The following GLRA2 variants were observed in gnomAD, a reference collection of about 807,000 sequenced individuals.
GLRA2 encodes glycine receptor subunit alpha-2.
A neutral mutation model predicts 31.6 loss-of-function variants in GLRA2; 11 were observed. That is an observed-to-expected ratio of 0.35 (90% CI 0.22 to 0.58). GLRA2 has a LOEUF of 0.58. GLRA2 is among the 20% of genes least tolerant of loss of function. The pLI is 0.84. For synonymous variants in GLRA2, 132 were observed against 134.0 expected, an observed-to-expected ratio of 0.99 and a Z score of 0.10; for missense variants, 212 against 351.8, an observed-to-expected ratio of 0.60 and a Z score of 3.18.
At chrX:14,633,444 A>T (rs2147121464) in intron 7 of GLRA2, among the ~76,000 whole-genome samples, 1 of 112,038 alleles carries the variant, frequency 8.9e-6, no homozygotes, top group Admixed American at 9.5e-5. Flanking sequence ...ATAGTAAGCT[A>T]TGCTTGCACC....
chrX:14,541,585 A>G (rs902624773), intron 2 of GLRA2, among the ~76,000 whole-genome samples: 1 of 111,613 alleles, frequency 9.0e-6, no homozygotes, highest in Non-Finnish European at 1.9e-5. Flanking sequence ...GACAGTCAAG[A>G]TTTCTTTTAT....
At chrX:14,706,158 T>C (rs1183529134) in intron 8 of GLRA2, among the ~76,000 whole-genome samples, 3 of 89,381 alleles carry the variant, frequency 3.4e-5, no homozygotes, top group African/African-American at 1.2e-4. Context: ...GAAGCCAAGT[T>C]TGAGAACCTT....
Position 14,604,326 on chromosome X carries a change from C to T in GLRA2, c.506C>T (p.Thr169Ile), listed in dbSNP as rs2090308814. The T allele has an allele frequency of 3.4e-6, 4 of 1,162,831 alleles. No homozygotes were observed. Among genetic ancestry groups the T allele is most frequent in the Non-Finnish European group, 4.7e-6 (4 of 853,959 alleles). ...TTTTGTTTGCTAAGACTCACCTTGACCTTATCCTGTCCCATGGACTTGAAG... is the reference window on the plus strand; with the variant it reads ...TTTTGTTTGCTAAGACTCACCTTGATCTTATCCTGTCCCATGGACTTGAAG... Reference protein sequence around the residue: ...KVLYSIRLTLTLSCPMDLKNF... With the variant: ...KVLYSIRLTLILSCPMDLKNF... Residue 169 changes from threonine (T) to isoleucine (I), a missense_variant, in exon 5 of 9, where the codon ACC becomes ATC. Physicochemically the swap from Thr to Ile is moderately conservative, Grantham distance 89. Around this residue, in one of 5 missense-constraint regions of GLRA2, gnomAD observed 110 missense variants for 232.6 expected, o/e 0.47. Transcript: ENST00000218075.
intron 8 of GLRA2, among the ~76,000 whole-genome samples, chrX:14,692,723 A>C (rs1363180543): frequency 5.4e-5 from 6 of 111,699 alleles, no homozygotes; most frequent in Non-Finnish European, 3.8e-5. Flanking sequence ...ACTCTCCTAG[A>C]CCAAAGATGG....
Position 14,548,167 on chromosome X carries a change from T to C in GLRA2, c.202+15795T>C, listed in dbSNP as rs756328474. 7.2e-5 allele frequency among the ~76,000 whole-genome samples: 8 copies of C among 111,762 alleles called. No individual in the cohort carries two copies. The East Asian group carries it at 2.3e-3, about 32-fold the overall frequency. On this transcript the variant is annotated intron_variant, in intron 2 of 8. Transcript: ENST00000218075. ...AACAGCCAGAATTTTATCATTCTTG[T>C]TATTTAGGGGAAGAAAAAGTTATCC...
rs1253004301 is a variant in GLRA2, at chrX:14,532,240, A to T, written c.70A>T (p.Thr24Ser). The change falls in exon 2 of 9, where the codon ACG becomes TCG. Residue 24 changes from threonine to serine, a missense_variant and splice_region_variant. Around this residue, in one of 5 missense-constraint regions of GLRA2, gnomAD observed 33 missense variants for 27.7 expected, o/e 1.19. Transcript: ENST00000218075. Reference protein sequence around the residue: ...AFFLETNHFRTAFCKDHDSRS... With the variant: ...AFFLETNHFRSAFCKDHDSRS... ...TAAAAGAGTTAATGATGTGTTTAGGACGGCTTTCTGCAAAGACCATGACTC... is the reference window on the plus strand; with the variant it reads ...TAAAAGAGTTAATGATGTGTTTAGGTCGGCTTTCTGCAAAGACCATGACTC... The T allele has an allele frequency of 3.4e-6, 4 of 1,172,849 alleles. No homozygotes were observed. In the Admixed American group the frequency reaches 7.0e-5, roughly 21 times the overall value.
the GLRA2 span, among the ~76,000 whole-genome samples, chrX:14,488,335 C>A: frequency 3.6e-5 from 4 of 112,224 alleles, no homozygotes; most frequent in Non-Finnish European, 1.9e-5. Flanking sequence ...CATTACCACA[C>A]CCAAGAGATA....
chrX:14,652,670 G>A (rs746675672), intron 7 of GLRA2, among the ~76,000 whole-genome samples: 1 of 110,863 alleles, frequency 9.0e-6, no homozygotes, highest in South Asian at 3.9e-4. Context: ...ATATAAGATG[G>A]TAACTTAATT....
At chrX:14,564,893 G>A (rs2089782685) in intron 2 of GLRA2, among the ~76,000 whole-genome samples, 1 of 110,891 alleles carries the variant, frequency 9.0e-6, no homozygotes, top group Non-Finnish European at 1.9e-5. Context: ...AAGAAAATAT[G>A]TGAAAAGTTA....
intron 2 of GLRA2, among the ~76,000 whole-genome samples, chrX:14,543,303 G>A (rs1203378922): frequency 2.0e-5 from 2 of 98,677 alleles, no homozygotes; most frequent in Non-Finnish European, 4.0e-5. Context: ...TTCTAACTTT[G>A]ATGGTCCCTG....
the GLRA2 span, among the ~76,000 whole-genome samples, chrX:14,483,686 A>AT: frequency 8.9e-6 from 1 of 112,003 alleles, no homozygotes; most frequent in Non-Finnish European, 1.9e-5. Flanking sequence ...GTCTTATTGC[A>AT]TTTTTAAAAA....
intron 7 of GLRA2, among the ~76,000 whole-genome samples, chrX:14,623,113 T>G (rs1372379602): frequency 9.0e-6 from 1 of 111,703 alleles, no homozygotes; most frequent in Non-Finnish European, 1.9e-5. Context: ...TTGAAGCAAT[T>G]GTGAATTGGA....
At chrX:14,605,118 A>T (rs980072816) in intron 5 of GLRA2, among the ~76,000 whole-genome samples, 1 of 111,686 alleles carries the variant, frequency 9.0e-6, no homozygotes, top group Non-Finnish European at 1.9e-5. Flanking sequence ...AGAGATATGA[A>T]TTTCTTTCTG....
At chrX:14,677,998 C>T (rs993656948) in intron 7 of GLRA2, among the ~76,000 whole-genome samples, 5 of 111,875 alleles carry the variant, frequency 4.5e-5, no homozygotes, top group African/African-American at 1.6e-4. Flanking sequence ...TAGAAGCATC[C>T]GTGACCTCAA....
chrX:14,695,159 C>CAA (rs372906912), intron 8 of GLRA2, among the ~76,000 whole-genome samples: 193 of 103,649 alleles, frequency 1.9e-3, no homozygotes, highest in Admixed American at 8.2e-3. Flanking sequence ...ATAACAGAAA[C>CAA]AAAAAAAAAA....
intron 7 of GLRA2, among the ~76,000 whole-genome samples, chrX:14,681,911 A>ATATATATATATATATATATATATATG (rs1491254876): frequency 3.5e-5 from 2 of 56,814 alleles, no homozygotes; most frequent in Non-Finnish European, 6.2e-5. Flanking sequence ...AAAAAAAAAA[A>ATATATATATATATATATATATATATG]TATATATATA....
intron 7 of GLRA2, among the ~76,000 whole-genome samples, chrX:14,682,715 G>A (rs1346675655): frequency 1.2e-4 from 6 of 51,830 alleles, no homozygotes; most frequent in Non-Finnish European, 1.8e-4. Context: ...CCCACCCCAC[G>A]ACAGGCCCCG....
chrX:14,463,712 T>G, the GLRA2 span, among the ~76,000 whole-genome samples: 1 of 110,209 alleles, frequency 9.1e-6, no homozygotes, highest in Non-Finnish European at 1.9e-5. Context: ...CTGCCAGTTG[T>G]GAAGACCATG....
chrX:14,697,889 G>A (rs1392000089), intron 8 of GLRA2, among the ~76,000 whole-genome samples: 3 of 111,713 alleles, frequency 2.7e-5, no homozygotes, highest in South Asian at 3.7e-4. Flanking sequence ...TTTTAACTAC[G>A]TTTTATTGTT....
Sources: gnomAD v4.1 joint callset for allele counts (sites outside exome capture counted in the v4.1 genomes callset) on GRCh38, gnomAD v4.1.1 for gene constraint, gnomAD v4.1.1 regional missense constraint, MANE v1.5 for transcripts, NCBI Gene and HGNC (gene_info 2026-07-23, HGNC 2026-07-21) for gene names.